The following NUP210L variants were observed in gnomAD, a reference collection of about 807,000 sequenced individuals.
The protein encoded by NUP210L is nuclear pore membrane glycoprotein 210-like.
In NUP210L, 74 loss-of-function variants were observed where a neutral mutation model predicts 208.5. The ratio of observed to expected loss-of-function variants is 0.35; its 90% CI spans 0.29 to 0.43. The LOEUF (loss-of-function observed/expected upper bound fraction) is 0.43, where lower values mean the gene tolerates loss of function less well. Among genes scored for constraint, NUP210L ranks in the 20% least tolerant of loss-of-function variants. The probability of loss-of-function intolerance (pLI) is 1.00; values close to 1 mark genes in which losing one functional copy is unlikely to be tolerated. For missense variants in NUP210L, 1,843 were observed against 2,289.4 expected, an observed-to-expected ratio of 0.81 and a Z score of 3.98; for synonymous variants, 780 against 816.9, an observed-to-expected ratio of 0.95 and a Z score of 0.77.
At chr1:154,023,375 C>T in intron 30 of NUP210L, 78 bp from the exon 31 acceptor site, 1 of 1,138,312 alleles carries the variant, frequency 8.8e-7, no homozygotes, top group Non-Finnish European at 1.3e-6. Context: ...GACTTATAAT[C>T]AATGATAAAG....
intron 38 of NUP210L, 141 bp from the exon 39 acceptor site, chr1:153,993,230 C>T: frequency 1.7e-6 from 1 of 581,540 alleles, no homozygotes; most frequent in South Asian, 2.7e-5. Context: ...AAGTTTTTAT[C>T]CCAATTTAAC....
intron 35 of NUP210L, among the ~76,000 whole-genome samples, chr1:154,004,133 A>G (rs1247241420): frequency 1.4e-5 from 2 of 146,550 alleles, no homozygotes; most frequent in African/African-American, 5.1e-5. Flanking sequence ...CAGTGGCGCG[A>G]TCTTGGCTCA....
At chr1:154,112,497 C>G (rs1657091276) in intron 12 of NUP210L, among the ~76,000 whole-genome samples, 1 of 152,148 alleles carries the variant, frequency 6.6e-6, no homozygotes, top group Non-Finnish European at 1.5e-5. Flanking sequence ...GTGATGGATA[C>G]TCCGTTTACC....
At chr1:154,006,074 TC>T (rs1386256905) in intron 35 of NUP210L, among the ~76,000 whole-genome samples, 3 of 152,092 alleles carry the variant, frequency 2.0e-5, no homozygotes, top group African/African-American at 7.2e-5. Context: ...ATCATGCTGG[TC>T]TTGAACTCCC....
chr1:154,142,151 CAAAA>C (rs755281421), intron 3 of NUP210L, among the ~76,000 whole-genome samples: 1 of 98,506 alleles, frequency 1.0e-5, no homozygotes. Context: ...ACTCTGTATC[CAAAA>C]AAAAAAAAAA....
chr1:154,109,657 C>CA (rs1656945122), intron 12 of NUP210L, among the ~76,000 whole-genome samples: 1 of 151,436 alleles, frequency 6.6e-6, no homozygotes, highest in Non-Finnish European at 1.5e-5. Context: ...AGGTCCAAAA[C>CA]AATTGTTCAA....
intron 34 of NUP210L, among the ~76,000 whole-genome samples, chr1:154,011,691 T>G (rs1348760288): frequency 7.4e-6 from 1 of 135,530 alleles, no homozygotes; most frequent in Non-Finnish European, 1.6e-5. Flanking sequence ...TTTTTTTTTT[T>G]TTTTTTTTTT....
chr1:154,045,900 A>C (rs1653147617), intron 27 of NUP210L, among the ~76,000 whole-genome samples, 169 bp downstream of exon 27: 1 of 152,140 alleles, frequency 6.6e-6, no homozygotes, highest in Non-Finnish European at 1.5e-5. Context: ...TGGGAGGATC[A>C]CTTTAGCCTA....
At chr1:154,021,108 A>G (rs1041774911) in intron 32 of NUP210L, among the ~76,000 whole-genome samples, 1 of 150,590 alleles carries the variant, frequency 6.6e-6, no homozygotes, top group Non-Finnish European at 1.5e-5. Context: ...TGCACAGCTA[A>G]TTTTTGTATT....
chr1:154,098,620 A>G (rs927853206), intron 14 of NUP210L, among the ~76,000 whole-genome samples: 5 of 152,070 alleles, frequency 3.3e-5, no homozygotes, highest in East Asian at 3.9e-4. Flanking sequence ...TGGTTGCCCA[A>G]TGTCTTCTGC....
At chr1:154,037,881 A>G (rs1333029486) in intron 27 of NUP210L, among the ~76,000 whole-genome samples, 1 of 152,026 alleles carries the variant, frequency 6.6e-6, no homozygotes, top group South Asian at 2.1e-4. Flanking sequence ...GCCTTCCCAA[A>G]GTGCTGGGAT....
chr1:154,124,639 T>C (rs1195960451), intron 10 of NUP210L, among the ~76,000 whole-genome samples: 1 of 152,170 alleles, frequency 6.6e-6, no homozygotes, highest in Non-Finnish European at 1.5e-5. Context: ...TATGAAACCT[T>C]TGGATTTTTA....
At chr1:154,012,359 A>G (rs1258130831) in exon 34 of NUP210L, 3 of 1,612,852 alleles carry the variant, frequency 1.9e-6, no homozygotes, top group South Asian at 2.2e-5. Context: ...TTGATGATGC[A>G]TTGACCACCA....
intron 14 of NUP210L, 40 bp from the exon 15 acceptor site, chr1:154,095,196 G>A (rs1656122708): frequency 1.4e-6 from 2 of 1,452,746 alleles, no homozygotes; most frequent in Admixed American, 1.8e-5. Flanking sequence ...ATAGGTTAGG[G>A]AATTCAATAA....
At chr1:154,060,869 A>G (rs1387275528) in intron 19 of NUP210L, 73 bp downstream of exon 19, 3 of 1,071,868 alleles carry the variant, frequency 2.8e-6, no homozygotes, top group African/African-American at 1.6e-5. Flanking sequence ...AAGTTTTTTA[A>G]TTGTTATGCT....
chr1:154,018,192 G>A (rs997250388), intron 33 of NUP210L, among the ~76,000 whole-genome samples: 4 of 151,924 alleles, frequency 2.6e-5, no homozygotes, highest in Non-Finnish European at 5.9e-5. Context: ...GGCTGTTCTC[G>A]AACTCCTGAC....
intron 8 of NUP210L, 25 bp from the exon 9 acceptor site, chr1:154,127,442 A>C (rs1189750807): frequency 2.7e-6 from 3 of 1,105,498 alleles, no homozygotes; most frequent in Non-Finnish European, 4.0e-6. Context: ...AGAAACAAAA[A>C]TATTAGAAGA....
intron 2 of NUP210L, among the ~76,000 whole-genome samples, chr1:154,149,087 C>CTTTTTTTTTT (rs770217261): frequency 0.022 from 2,632 of 119,232 alleles, 95 homozygotes; most frequent in Non-Finnish European, 0.035. Flanking sequence ...GAAAACTTCT[C>CTTTTTTTTTT]TTTTTTTTTT....
exon 16 of NUP210L, chr1:154,089,581 C>A: frequency 6.2e-7 from 1 of 1,613,918 alleles, no homozygotes; most frequent in South Asian, 1.1e-5. Context: ...ATTTCCAATT[C>A]GGAATGTGAG....
Sources: allele counts gnomAD v4.1 joint callset (sites outside exome capture counted in the v4.1 genomes callset), GRCh38; gene constraint gnomAD v4.1.1; transcripts MANE v1.5; gene names NCBI Gene and HGNC (gene_info 2026-07-23, HGNC 2026-07-21).